Variants in PBXIP1 observed in about 807,000 individuals in gnomAD.
The protein encoded by PBXIP1 is PBX homeobox interacting protein 1.
PBXIP1 carries 73 observed loss-of-function variants against 73.7 expected under a neutral mutation model. The observed-to-expected ratio is 0.99, with a 90% CI of 0.82 to 1.20. The LOEUF (loss-of-function observed/expected upper bound fraction) is 1.20, where lower values mean the gene tolerates loss of function less well. Ranked by LOEUF, PBXIP1 falls within the 50% of genes most tolerant of loss-of-function variation. The pLI, the probability that PBXIP1 is intolerant of heterozygous loss-of-function variation, is 0.00. For synonymous variants in PBXIP1, 330 were observed against 366.9 expected, an observed-to-expected ratio of 0.90 and a Z score of 1.15; for missense variants, 818 against 911.4, an observed-to-expected ratio of 0.90 and a Z score of 1.32.
rs1250319007 is a variant in PBXIP1, at chr1:154,945,636, CA to C, written c.2037del (p.Asp679GlufsTer3). 6 of 1,614,002 alleles carry C rather than the reference CA, an allele frequency of 3.7e-6. No individual in the cohort carries two copies. In the African/African-American group the frequency reaches 6.7e-5, roughly 18 times the overall value. On this transcript the variant is annotated frameshift_variant, in exon 10 of 11. Transcript: ENST00000368463. LOFTEE classifies it high-confidence loss of function. The part of the protein sequence containing the change: ...EVAVQQTGDD[D>X]EVDDFEDFIF... The stretch of plus-strand genomic sequence containing the variant: ...ATGAAGTCCTCAAAGTCATCTACTT[CA>C]TCATCATCACCTGTCTGTTGCACAG...
chr1:154,951,306 G>A lies in PBXIP1; in HGVS notation c.335C>T (p.Thr112Ile), dbSNP rs1654997261. The change falls in exon 5 of 11, where the codon ACA becomes ATA. Residue 112 changes from threonine (T) to isoleucine (I), a missense_variant. Physicochemically the swap from Thr to Ile is moderately conservative, Grantham distance 89. Transcript: ENST00000368463. This position sits in a 1 kb window ranked among gnomAD's most constrained non-coding sequence, Gnocchi z 4.3. ...QGDLQETTVV[T>I]GLGPDTQDLE... The stretch of plus-strand genomic sequence containing the variant: ...GTCCTGTGTGTCTGGTCCCAGGCCT[G>A]TCACCACGGTGGTCTCCTGCAGGTC... The A allele has an allele frequency of 6.2e-7, 1 of 1,614,026 alleles. No homozygotes were observed. Among genetic ancestry groups the A allele is most frequent in the Non-Finnish European group, 8.5e-7 (1 of 1,179,980 alleles).
chr1:154,945,916 C>G lies in PBXIP1; in HGVS notation c.1758G>C (p.Gln586His). ...CACACTCGTCCACACCTGAGCAGCC[C>G]TGGGGTGCCCGGTACTTGGGCCTCA... The part of the protein sequence containing the change: ...ELLRPKYRAP[Q>H]GCSGVDECAR... The change falls in exon 10 of 11, where the codon CAG becomes CAC. Residue 586 changes from glutamine to histidine, a missense_variant. Gln to His is a conservative substitution (Grantham distance 24, BLOSUM62 0). Coordinates refer to ENST00000368463, the MANE Select transcript of PBXIP1 (RefSeq NM_020524.4). 1 of 1,614,212 alleles carries G rather than the reference C, an allele frequency of 6.2e-7. No homozygotes were observed. Among genetic ancestry groups the G allele is most frequent in the Non-Finnish European group, 8.5e-7 (1 of 1,180,000 alleles).
chr1:154,948,031 A>T, intron 6 of PBXIP1, 26 bp from the exon 7 acceptor site: 1 of 1,610,156 alleles, frequency 6.2e-7, no homozygotes, highest in Non-Finnish European at 8.5e-7. Context: ...GAGGAGTCTG[A>T]TGAGGCCCTC....
At chr1:154,949,051 TCA>T (rs1159729994) in intron 5 of PBXIP1, among the ~76,000 whole-genome samples, 2 of 152,034 alleles carry the variant, frequency 1.3e-5, no homozygotes, top group Non-Finnish European at 2.9e-5. Context: ...CCAGACAGTT[TCA>T]CAGTTCTACA....
chr1:154,953,883 A>C, intron 1 of PBXIP1, 126 bp from the exon 2 acceptor site: 2 of 607,230 alleles, frequency 3.3e-6, no homozygotes, highest in Non-Finnish European at 5.9e-6. Context: ...GCCTGGTTCC[A>C]GTCCTTCTCT....
Position 154,945,055 on chromosome 1 carries a change from C to CT in PBXIP1, c.2164dup (p.Ser722LysfsTer3), listed in dbSNP as rs1490173950. The CT allele has an allele frequency of 5.6e-6, 9 of 1,613,960 alleles. No individual in the cohort carries two copies. The highest frequency in any genetic ancestry group is 7.6e-6 in the Non-Finnish European group (9 of 1,179,948). ...CCGGTGGTGGTGGTGGTGGCTATGG[C>CT]TGTGCCCCTCCCTGGGCCCCGCAGC... On this transcript the variant is annotated frameshift_variant, in exon 11 of 11. Coordinates refer to ENST00000368463, the MANE Select transcript of PBXIP1 (RefSeq NM_020524.4). LOFTEE classifies it high-confidence loss of function.
In PBXIP1 at chr1:154,947,993, T is replaced by A. The variant is rs1325826916; in HGVS notation, c.656A>T (p.Glu219Val). 2.5e-6 allele frequency: 4 copies of A among 1,613,350 alleles called. No homozygotes were observed. The highest frequency in any genetic ancestry group is 3.4e-6 in the Non-Finnish European group (4 of 1,179,692). ...GVLLFSGGLS[E>V]SETGPMEEVE... ...TCCTCCCTACTCACCAGTCTCAGAC[T>A]CTGAGAGGCCACCTAAGGACAGAGA... is the stretch of plus-strand genomic sequence containing the variant. Residue 219 changes from glutamate (E) to valine (V), a missense_variant, in exon 7 of 11, where the codon GAG becomes GTG. Glu to Val is a moderately radical substitution (Grantham distance 121). Coordinates refer to ENST00000368463, the MANE Select transcript of PBXIP1 (RefSeq NM_020524.4).
chr1:154,948,288 C>G lies in PBXIP1; in HGVS notation c.488G>C (p.Arg163Pro). The G allele has an allele frequency of 6.2e-7, 1 of 1,610,884 alleles. No homozygotes were observed. The highest frequency in any genetic ancestry group is 8.5e-7 in the Non-Finnish European group (1 of 1,178,922). ...DVDMEGLRRR[R>P]GREAGPPQPM... ...CTGAGGTGGGCCGGCCTCCCGGCCCCGCCGTCTCCGCAGACCCTCCATGTC... is the reference window on the plus strand; with the variant it reads ...CTGAGGTGGGCCGGCCTCCCGGCCCGGCCGTCTCCGCAGACCCTCCATGTC... The change falls in exon 6 of 11, where the codon CGG becomes CCG. Residue 163 changes from arginine to proline, a missense_variant. Coordinates refer to ENST00000368463, the MANE Select transcript of PBXIP1 (RefSeq NM_020524.4).
At chr1:154,949,044 G>C (rs60732323) in intron 5 of PBXIP1, among the ~76,000 whole-genome samples, 1 of 151,726 alleles carries the variant, frequency 6.6e-6, no homozygotes, top group Non-Finnish European at 1.5e-5. Context: ...CTCACATCCA[G>C]ACAGTTTCAC....
At chr1:154,949,017 A>G (rs146798847) in intron 5 of PBXIP1, among the ~76,000 whole-genome samples, 1 of 152,154 alleles carries the variant, frequency 6.6e-6, no homozygotes, top group Non-Finnish European at 1.5e-5. Context: ...TAGCTAACCT[A>G]AGCCCTCCCT....
Position 154,947,468 on chromosome 1 carries a change from G to C in PBXIP1, c.819C>G (p.Asp273Glu), listed in dbSNP as rs773438353. The C allele has an allele frequency of 1.1e-5, 18 of 1,613,880 alleles. No homozygotes were observed. Among genetic ancestry groups the C allele is most frequent in the Non-Finnish European group, 1.4e-5 (17 of 1,179,944 alleles). Reference protein sequence around the residue: ...PSLQNMGLLLDKLAKENQDIR... With the variant: ...PSLQNMGLLLEKLAKENQDIR... ...TGTCCTGGTTCTCCTTGGCCAGCTT[G>C]TCCAGCAGAAGACCCATGTTTTGCA... is the stretch of plus-strand genomic sequence containing the variant. The change falls in exon 9 of 11, where the codon GAC becomes GAG. Residue 273 changes from aspartate to glutamate, a missense_variant. Physicochemically the swap from Asp to Glu is conservative, Grantham distance 45 (BLOSUM62 2). Coordinates refer to ENST00000368463, the MANE Select transcript of PBXIP1 (RefSeq NM_020524.4).
chr1:154,944,890 G>T lies in PBXIP1; in HGVS notation c.*134C>A. 1 of 686,824 alleles carries T rather than the reference G, an allele frequency of 1.5e-6. No homozygotes were observed. Among genetic ancestry groups the T allele is most frequent in the Non-Finnish European group, 2.5e-6 (1 of 392,882 alleles). 42.5% of individuals were successfully genotyped at this position (686,824 alleles called of 1,614,324 possible). ...ATAAAGTGACATCAGTGCAGGGCTG[G>T]TGATTTTGCTCTACTGTGTGAAAGA... is the stretch of plus-strand genomic sequence containing the variant. On this transcript the variant is annotated 3_prime_UTR_variant, in exon 11 of 11. Transcript: ENST00000368463.
chr1:154,947,550 T>G lies in PBXIP1; in HGVS notation c.739-2A>C. The G allele has an allele frequency of 6.2e-7, 1 of 1,603,684 alleles. No individual in the cohort carries two copies. On this transcript the variant is annotated splice_acceptor_variant, in intron 8 of 10. Transcript: ENST00000368463. LOFTEE classifies it high-confidence loss of function. ...CTGCAGCTGTTCCCTTAGCCCATCC[T>G]GAGGGCAGAAGAGCCTGTTATGCCA... is the stretch of plus-strand genomic sequence containing the variant.
chr1:154,950,597 C>T (rs928597920), intron 5 of PBXIP1: 2 of 153,046 alleles, frequency 1.3e-5, no homozygotes, highest in Non-Finnish European at 2.9e-5. Flanking sequence ...ACTCCTCTGC[C>T]ACAAGCCTGG....
At chr1:154,948,914 T>C (rs913628729) in intron 5 of PBXIP1, among the ~76,000 whole-genome samples, 1 of 152,160 alleles carries the variant, frequency 6.6e-6, no homozygotes, top group East Asian at 1.9e-4. Flanking sequence ...TGCTGGCCAC[T>C]CCCTCTGGGA....
At chr1:154,948,032 T>C (rs1173639484) in intron 6 of PBXIP1, 27 bp from the exon 7 acceptor site, 1 of 1,609,674 alleles carries the variant, frequency 6.2e-7, no homozygotes. Flanking sequence ...AGGAGTCTGA[T>C]GAGGCCCTCG....
chr1:154,945,818 A>T lies in PBXIP1; in HGVS notation c.1856T>A (p.Leu619Gln). The change falls in exon 10 of 11, where the codon CTA becomes CAA. Residue 619 changes from leucine (L) to glutamine (Q), a missense_variant. Transcript: ENST00000368463. The stretch of plus-strand genomic sequence containing the variant: ...GGGCAGCCGTGCCAAGTATGTTCTT[A>T]GCAGAGAGGCCAGCTCCTGTTGCCG... The part of the protein sequence containing the change: ...PVRQQELASL[L>Q]RTYLARLPWA... 1.2e-6 allele frequency: 2 copies of T among 1,614,194 alleles called. No homozygotes were observed. The highest frequency in any genetic ancestry group is 1.7e-6 in the Non-Finnish European group (2 of 1,180,026).
intron 5 of PBXIP1, 34 bp from the exon 6 acceptor site, chr1:154,948,400 G>A: frequency 7.0e-7 from 1 of 1,431,022 alleles, no homozygotes; most frequent in Non-Finnish European, 9.6e-7. Context: ...GCAGTGAGGT[G>A]ACTGGAGAGA....
In PBXIP1 at chr1:154,946,418, G is replaced by A. The variant is rs759497517; in HGVS notation, c.1256C>T (p.Ala419Val). ...QQDLERSLQD[A>V]SRGDPAHAGL... ...AGCATGAGCTGGGTCCCCGCGGCTG[G>A]CATCCTGCAAGCTCCTCTCCAGATC... is the stretch of plus-strand genomic sequence containing the variant. Residue 419 changes from alanine (A) to valine (V), a missense_variant, in exon 10 of 11, where the codon GCC (alanine) becomes GTC (valine). By Grantham distance (64) the Ala-to-Val change is moderately conservative. Transcript: ENST00000368463. 4.2e-5 allele frequency: 67 copies of A among 1,610,534 alleles called. No individual in the cohort carries two copies. Among genetic ancestry groups the A allele is most frequent in the Non-Finnish European group, 5.5e-5 (65 of 1,179,880 alleles).
Sources: gnomAD v4.1 joint callset for allele counts (sites outside exome capture counted in the v4.1 genomes callset) on GRCh38, gnomAD v4.1.1 for gene constraint, Gnocchi (gnomAD v3.1) non-coding constraint, MANE v1.5 for transcripts, NCBI Gene and HGNC (gene_info 2026-07-23, HGNC 2026-07-21) for gene names.